The following RANBP3L variants were observed in gnomAD, a reference collection of about 807,000 sequenced individuals.
The protein encoded by RANBP3L is RAN binding protein 3 like.
Under a neutral mutation model 67.2 loss-of-function variants are expected in RANBP3L, and 56 were observed. The ratio of observed to expected loss-of-function variants is 0.83; its 90% CI spans 0.67 to 1.04. RANBP3L has a LOEUF of 1.04. RANBP3L is among the 50% of genes least tolerant of loss of function. The pLI is 0.00. For missense variants in RANBP3L, 496 were observed against 535.5 expected, an observed-to-expected ratio of 0.93 and a Z score of 0.73; for synonymous variants, 164 against 181.4, an observed-to-expected ratio of 0.90 and a Z score of 0.77.
chr5:36,276,835 G>T (rs1310094515), intron 1 of RANBP3L, among the ~76,000 whole-genome samples: 2 of 152,090 alleles, frequency 1.3e-5, no homozygotes, highest in African/African-American at 4.8e-5. Flanking sequence ...GAGTACCTTT[G>T]GCTCCATTGT....
At chr5:36,290,992 C>A (rs540731289) in intron 1 of RANBP3L, among the ~76,000 whole-genome samples, 1 of 151,088 alleles carries the variant, frequency 6.6e-6, no homozygotes, top group South Asian at 2.1e-4. Context: ...GATCCACCTG[C>A]CTCAGCCTCC....
rs1751977326 is a variant in RANBP3L, at chr5:36,293,721, T to C, written c.91+7605A>G. Among the ~76,000 whole-genome samples the C allele has an allele frequency of 2.7e-5, 4 of 149,014 alleles. No individual in the cohort carries two copies. In the Admixed American group the frequency reaches 2.7e-4, roughly 10 times the overall value. ...ATTACATTTATTGATTTGCATATAT[T>C]GAACCAGCCTTGCATCCCAGGGATG... On this transcript the variant is annotated intron_variant, in intron 1 of 13. Transcript: ENST00000296604.
intron 11 of RANBP3L, among the ~76,000 whole-genome samples, chr5:36,254,614 T>C (rs1748839647): frequency 2.0e-5 from 3 of 152,046 alleles, no homozygotes; most frequent in Non-Finnish European, 4.4e-5. Flanking sequence ...TGTGTGCCAG[T>C]TACAGAACTG....
chr5:36,297,590 C>T (rs567187479), intron 1 of RANBP3L, among the ~76,000 whole-genome samples: 1 of 152,288 alleles, frequency 6.6e-6, no homozygotes, highest in Admixed American at 6.5e-5. Context: ...GGAAGGTTGT[C>T]TGCCTAGTAC....
chr5:36,269,307 T>C, intron 4 of RANBP3L, 83 bp downstream of exon 4: 1 of 831,758 alleles, frequency 1.2e-6, no homozygotes, highest in Non-Finnish European at 2.0e-6. Context: ...GCTTTTAACA[T>C]TACCCTTTTG....
chr5:36,255,485 A>G lies in RANBP3L; in HGVS notation c.1009T>C (p.Leu337=). The change falls in exon 11 of 14, where the codon TTA becomes CTA. Residue 337 remains leucine, a synonymous_variant. Transcript: ENST00000296604. ...GATTCCTTACTTAGTCTTGACTGTA[A>G]TGTTCCACAGTCAGTGCTTGCTGTG... ...NDTASTDCGT[L]QSRLIMRNQG... The G allele has an allele frequency of 6.2e-7, 1 of 1,610,576 alleles. No homozygotes were observed. Among genetic ancestry groups the G allele is most frequent in the South Asian group, 1.1e-5 (1 of 90,716 alleles).
At chr5:36,296,877 C>T (rs946986877) in intron 1 of RANBP3L, among the ~76,000 whole-genome samples, 2 of 152,152 alleles carry the variant, frequency 1.3e-5, no homozygotes, top group African/African-American at 4.8e-5. Context: ...CCAGAGCAAC[C>T]AAGAATGGAC....
At chr5:36,269,865 A>C (rs758221288) in intron 3 of RANBP3L, 86 bp downstream of exon 3, 2 of 1,072,052 alleles carry the variant, frequency 1.9e-6, no homozygotes, top group South Asian at 2.6e-5. Flanking sequence ...ACTTTCACAT[A>C]GTCTGTGCCA....
chr5:36,282,013 C>G (rs1004985308), intron 1 of RANBP3L, among the ~76,000 whole-genome samples: 2 of 152,222 alleles, frequency 1.3e-5, no homozygotes, highest in Admixed American at 1.3e-4. Context: ...ACTGTTTGCT[C>G]TTTCTCTACA....
intron 1 of RANBP3L, among the ~76,000 whole-genome samples, chr5:36,285,617 A>G (rs1751266980): frequency 1.3e-5 from 2 of 152,234 alleles, no homozygotes; most frequent in African/African-American, 2.4e-5. Flanking sequence ...AGACACCAGC[A>G]AAGACAGCAT....
At chr5:36,282,821 G>A (rs1314669328) in intron 1 of RANBP3L, among the ~76,000 whole-genome samples, 1 of 152,076 alleles carries the variant, frequency 6.6e-6, no homozygotes, top group African/African-American at 2.4e-5. Flanking sequence ...TCTTCTCCTT[G>A]TGTTTGAGGG....
At chr5:36,257,396 TAAAA>T (rs1323915208) in intron 9 of RANBP3L, 54 bp downstream of exon 9, 26 of 686,096 alleles carry the variant, frequency 3.8e-5, no homozygotes, top group Non-Finnish European at 5.6e-5. Context: ...TGTTAATAAA[TAAAA>T]AACAGGAGAC....
At chr5:36,291,980 A>T (rs1420175221) in intron 1 of RANBP3L, among the ~76,000 whole-genome samples, 10 of 130,976 alleles carry the variant, frequency 7.6e-5, no homozygotes, top group African/African-American at 2.9e-4. Context: ...CGCCACACTG[A>T]CTTCCACAAT....
chr5:36,285,092 G>A (rs572081991), intron 1 of RANBP3L, among the ~76,000 whole-genome samples: 39 of 152,248 alleles, frequency 2.6e-4, no homozygotes, highest in Middle Eastern at 3.4e-3. Context: ...ACAAAGAAAT[G>A]AGCTAATACA....
intron 1 of RANBP3L, among the ~76,000 whole-genome samples, chr5:36,275,390 C>T (rs1750503102): frequency 6.6e-6 from 1 of 152,214 alleles, no homozygotes; most frequent in South Asian, 2.1e-4. Context: ...GCCTCCAAAA[C>T]CATTGATTTA....
At chr5:36,271,626 G>A (rs111831124) in intron 1 of RANBP3L, among the ~76,000 whole-genome samples, 233 of 152,202 alleles carry the variant, frequency 1.5e-3, no homozygotes, top group African/African-American at 4.6e-3. Context: ...AGAGCATAGC[G>A]ATTAACACCA....
chr5:36,272,126 T>C (rs1355056959), intron 1 of RANBP3L, among the ~76,000 whole-genome samples: 1 of 130,760 alleles, frequency 7.6e-6, no homozygotes, highest in Non-Finnish European at 1.8e-5. Context: ...TTTCCTCATC[T>C]GAAAAAAAAA....
At chr5:36,290,792 C>T (rs547779049) in intron 1 of RANBP3L, among the ~76,000 whole-genome samples, 60 of 131,492 alleles carry the variant, frequency 4.6e-4, no homozygotes, top group African/African-American at 1.3e-3. Context: ...AGTGCAGTGG[C>T]GCGATCTCGG....
chr5:36,263,295 T>C (rs1345688032), intron 6 of RANBP3L, among the ~76,000 whole-genome samples: 4 of 152,136 alleles, frequency 2.6e-5, no homozygotes, highest in Non-Finnish European at 4.4e-5. Flanking sequence ...AGCTTGAAAT[T>C]TTCTCTTAAG....
Sources: gnomAD v4.1 joint callset for allele counts (sites outside exome capture counted in the v4.1 genomes callset) on GRCh38, gnomAD v4.1.1 for gene constraint, MANE v1.5 for transcripts, NCBI Gene and HGNC (gene_info 2026-07-23, HGNC 2026-07-21) for gene names.